The following FARS2 variants were observed in gnomAD, a reference collection of about 807,000 sequenced individuals.
FARS2 encodes phenylalanine--tRNA ligase, mitochondrial.
FARS2 carries 40 observed loss-of-function variants against 46.4 expected under a neutral mutation model. The ratio of observed to expected loss-of-function variants is 0.86; its 90% CI spans 0.67 to 1.12. The LOEUF is 1.12. FARS2 is among the 50% of genes most tolerant of loss of function. The pLI is 0.00. For missense variants in FARS2, 513 were observed against 567.9 expected, an observed-to-expected ratio of 0.90 and a Z score of 0.98; for synonymous variants, 234 against 214.9, an observed-to-expected ratio of 1.09 and a Z score of -0.78.
intron 4 of FARS2, among the ~76,000 whole-genome samples, chr6:5,483,177 G>T (rs1561653068): frequency 6.6e-6 from 1 of 152,186 alleles, no homozygotes; most frequent in Non-Finnish European, 1.5e-5. Flanking sequence ...AGTATTCAGT[G>T]CAGTGGATAC....
At chr6:5,643,611 C>T (rs557625000) in intron 6 of FARS2, among the ~76,000 whole-genome samples, 2 of 152,308 alleles carry the variant, frequency 1.3e-5, no homozygotes, top group East Asian at 3.9e-4. Context: ...AGGCAACTGG[C>T]TGGCTCTCAC....
chr6:5,469,878 T>TTTTGTCA (rs1234200348), intron 4 of FARS2, among the ~76,000 whole-genome samples: 1 of 152,176 alleles, frequency 6.6e-6, no homozygotes, highest in Non-Finnish European at 1.5e-5. Context: ...TGAATTCTAG[T>TTTTGTCA]TTTGTCATTT....
chr6:5,746,760 A>C (rs1397478267), intron 6 of FARS2, among the ~76,000 whole-genome samples: 1 of 152,188 alleles, frequency 6.6e-6, no homozygotes, highest in East Asian at 1.9e-4. Context: ...AATAGTGATC[A>C]GTATCAATAT....
intron 6 of FARS2, among the ~76,000 whole-genome samples, chr6:5,654,033 G>A (rs1012677309): frequency 2.0e-5 from 3 of 152,146 alleles, no homozygotes; most frequent in Non-Finnish European, 2.9e-5. Context: ...GGCACCCTGG[G>A]TTCTCTGACA....
At chr6:5,296,100 T>A (rs1328141384) in intron 1 of FARS2, among the ~76,000 whole-genome samples, 12 of 149,610 alleles carry the variant, frequency 8.0e-5, no homozygotes, top group African/African-American at 3.0e-4. Flanking sequence ...TGCGGTGAAA[T>A]GTACAAACAT....
chr6:5,712,901 C>A (rs1759271192), intron 6 of FARS2, among the ~76,000 whole-genome samples: 2 of 152,376 alleles, frequency 1.3e-5, no homozygotes, highest in South Asian at 4.1e-4. Flanking sequence ...ACAGTAGACA[C>A]ACCTAGCTGT....
At chr6:5,252,328 A>G in the FARS2 span, among the ~76,000 whole-genome samples, 1 of 152,176 alleles carries the variant, frequency 6.6e-6, no homozygotes, top group African/African-American at 2.4e-5. Flanking sequence ...ACCAACTGTG[A>G]GACCAATCAA....
At chr6:5,622,270 G>A (rs532772397) in intron 6 of FARS2, among the ~76,000 whole-genome samples, 2 of 152,314 alleles carry the variant, frequency 1.3e-5, no homozygotes, top group East Asian at 1.9e-4. Context: ...CTCTTTCTCC[G>A]ACCTGCCACC....
intron 1 of FARS2, among the ~76,000 whole-genome samples, chr6:5,367,792 G>A (rs1368523509): frequency 6.6e-6 from 1 of 152,090 alleles, no homozygotes; most frequent in Non-Finnish European, 1.5e-5. Context: ...TGCCACAAAG[G>A]TATTAAGTTT....
chr6:5,453,146 T>G (rs1332528398), intron 4 of FARS2, among the ~76,000 whole-genome samples: 1 of 152,194 alleles, frequency 6.6e-6, no homozygotes, highest in Admixed American at 6.5e-5. Context: ...ATTCAATTTA[T>G]TTACAAATTT....
chr6:5,505,256 T>G (rs1768033898), intron 4 of FARS2, among the ~76,000 whole-genome samples: 1 of 152,194 alleles, frequency 6.6e-6, no homozygotes, highest in Admixed American at 6.5e-5. Context: ...GCCCAGCAGC[T>G]CAGTCCCTGG....
chr6:5,594,508 G>T (rs1456395792), intron 5 of FARS2, among the ~76,000 whole-genome samples: 1 of 152,164 alleles, frequency 6.6e-6, no homozygotes, highest in Non-Finnish European at 1.5e-5. Flanking sequence ...TTAATACAGA[G>T]AATTTAAACT....
At chr6:5,410,699 CA>C (rs1363307230) in intron 3 of FARS2, among the ~76,000 whole-genome samples, 14 of 152,094 alleles carry the variant, frequency 9.2e-5, no homozygotes, top group Non-Finnish European at 1.8e-4. Context: ...AGCACGTTGA[CA>C]AGGAGTTTTT....
chr6:5,322,109 C>T (rs537238838), intron 1 of FARS2, among the ~76,000 whole-genome samples: 1 of 152,226 alleles, frequency 6.6e-6, no homozygotes, highest in African/African-American at 2.4e-5. Context: ...AAAACAAACA[C>T]GTGTTTACAA....
At chr6:5,303,488 C>A (rs1768469297) in intron 1 of FARS2, among the ~76,000 whole-genome samples, 1 of 152,064 alleles carries the variant, frequency 6.6e-6, no homozygotes, top group African/African-American at 2.4e-5. Context: ...ACACCTTTAC[C>A]TCCTGTGTCT....
At chr6:5,749,400 G>C (rs1761821568) in intron 6 of FARS2, among the ~76,000 whole-genome samples, 1 of 152,238 alleles carries the variant, frequency 6.6e-6, no homozygotes, top group African/African-American at 2.4e-5. Context: ...GTCAGGGTGG[G>C]GAGGACCAGA....
intron 6 of FARS2, among the ~76,000 whole-genome samples, chr6:5,638,508 T>C (rs1389567380): frequency 6.6e-6 from 1 of 152,194 alleles, no homozygotes; most frequent in Non-Finnish European, 1.5e-5. Flanking sequence ...GAGGCTGCAG[T>C]GAGCCAAGAT....
At chr6:5,339,859 G>A (rs75805994) in intron 1 of FARS2, among the ~76,000 whole-genome samples, 4,836 of 152,278 alleles carry the variant, frequency 0.032, 240 homozygotes, top group African/African-American at 0.11. Flanking sequence ...TTCAGGGCAA[G>A]CAGAGCTGTA....
In FARS2 at chr6:5,385,788, T is replaced by C. The variant is rs137926731; in HGVS notation, c.612+16606T>C. 2.2e-4 allele frequency among the ~76,000 whole-genome samples: 34 copies of C among 152,292 alleles called. No individual in the cohort carries two copies. In the East Asian group the frequency reaches 6.0e-3, roughly 27 times the overall value. On this transcript the variant is annotated intron_variant, in intron 2 of 6. Transcript: ENST00000274680. ...TAGCAGTGATTCTTATTTCTCTGTA[T>C]GTGAACCAAGGATTAATAAGCAGTA... is the stretch of plus-strand genomic sequence containing the variant.
Sources: allele counts gnomAD v4.1 joint callset (sites outside exome capture counted in the v4.1 genomes callset), GRCh38; gene constraint gnomAD v4.1.1; transcripts MANE v1.5; gene names NCBI Gene and HGNC (gene_info 2026-07-23, HGNC 2026-07-21).